Variants in NXPE2 observed in about 807,000 individuals in gnomAD.
NXPE2 encodes the protein NXPE family member 2.
A neutral mutation model predicts 34.4 loss-of-function variants in NXPE2; 34 were observed. That is an observed-to-expected ratio of 0.99 (90% CI 0.75 to 1.31). The LOEUF is 1.31. Ranked by LOEUF, NXPE2 falls within the 40% of genes most tolerant of loss-of-function variation. The pLI is 0.00. For synonymous variants in NXPE2, 235 were observed against 231.3 expected (o/e 1.02, Z -0.15); for missense variants, 649 against 672.5 (o/e 0.97, Z 0.39).
At chr11:114,790,015 A>G in the NXPE2 span, among the ~76,000 whole-genome samples, 1 of 152,196 alleles carries the variant, frequency 6.6e-6, no homozygotes, top group Admixed American at 6.5e-5. Context: ...GACTTCTCTG[A>G]GTCAGATATG....
chr11:114,720,415 TAAC>T, the NXPE2 span, among the ~76,000 whole-genome samples: 1 of 152,234 alleles, frequency 6.6e-6, no homozygotes, highest in Admixed American at 6.5e-5. Flanking sequence ...CCTCTGAAGT[TAAC>T]AACAAACATT....
the NXPE2 span, chr11:114,554,181 T>G: frequency 1.0e-6 from 1 of 985,166 alleles, no homozygotes; most frequent in Non-Finnish European, 1.2e-6. Context: ...GTCTCTTTCA[T>G]CAGCTGTAAT....
At chr11:114,656,658 G>A in the NXPE2 span, among the ~76,000 whole-genome samples, 1 of 151,024 alleles carries the variant, frequency 6.6e-6, no homozygotes. Context: ...AAATCAATGG[G>A]CAAAAATCAC....
the NXPE2 span, chr11:114,584,282 C>A: frequency 2.0e-6 from 1 of 506,660 alleles, no homozygotes; most frequent in South Asian, 1.5e-5. Flanking sequence ...TATTTCAAGC[C>A]CTACATCAGT....
the NXPE2 span, chr11:114,583,186 C>A: frequency 6.0e-6 from 5 of 838,762 alleles, no homozygotes; most frequent in South Asian, 7.3e-5. Flanking sequence ...TATTTAAATT[C>A]TCCAATAAAA....
chr11:114,773,293 C>G, the NXPE2 span, among the ~76,000 whole-genome samples: 1 of 131,044 alleles, frequency 7.6e-6, no homozygotes, highest in African/African-American at 2.7e-5. Context: ...CCCCCCCACC[C>G]CATTCTGGGC....
At chr11:114,748,360 C>T in the NXPE2 span, among the ~76,000 whole-genome samples, 1 of 152,142 alleles carries the variant, frequency 6.6e-6, no homozygotes, top group African/African-American at 2.4e-5. Flanking sequence ...AAGAAATTAA[C>T]ATTGATGCAT....
At chr11:114,555,575 G>A in the NXPE2 span, among the ~76,000 whole-genome samples, 1 of 152,092 alleles carries the variant, frequency 6.6e-6, no homozygotes, top group African/African-American at 2.4e-5. Flanking sequence ...GGCAAATGTA[G>A]ACACCTGTGT....
the NXPE2 span, among the ~76,000 whole-genome samples, chr11:114,562,071 A>G: frequency 6.6e-6 from 1 of 152,156 alleles, no homozygotes; most frequent in Non-Finnish European, 1.5e-5. Flanking sequence ...TCTTGTATCA[A>G]CTGTCCTTTT....
chr11:114,704,003 A>G lies in NXPE2; in HGVS notation c.879A>G (p.Gly293=). ...EWRLFHRSNI[G]VEMMKNFTPI... Reference sequence around the variant, plus strand: ...CCATTTCTTGCAGGTCCAACATAGGAGTTGAAATGATGAAGAACTTTACCC... The same window carrying G: ...CCATTTCTTGCAGGTCCAACATAGGGGTTGAAATGATGAAGAACTTTACCC... Residue 293 remains glycine, a synonymous_variant, in exon 4 of 6, where the codon GGA becomes GGG. Coordinates refer to ENST00000389586, the MANE Select transcript of NXPE2 (RefSeq NM_182495.6). 1 of 1,551,426 alleles carries G rather than the reference A, an allele frequency of 6.4e-7. No individual in the cohort carries two copies. Among genetic ancestry groups the G allele is most frequent in the Non-Finnish European group, 8.7e-7 (1 of 1,146,280 alleles).
At chr11:114,724,764 C>T in the NXPE2 span, among the ~76,000 whole-genome samples, 1 of 151,796 alleles carries the variant, frequency 6.6e-6, no homozygotes, top group Admixed American at 6.6e-5. Flanking sequence ...ACTGTGTCTA[C>T]CTTTTCCACC....
the NXPE2 span, among the ~76,000 whole-genome samples, chr11:114,743,785 T>C: frequency 6.7e-6 from 1 of 150,342 alleles, no homozygotes; most frequent in Non-Finnish European, 1.5e-5. Context: ...AGCATATATA[T>C]ATTATGTATA....
chr11:114,778,851 T>C, the NXPE2 span, among the ~76,000 whole-genome samples: 9 of 152,206 alleles, frequency 5.9e-5, no homozygotes. Context: ...GGCCTTCACT[T>C]TATTGTGTAT....
At chr11:114,579,220 C>G in the NXPE2 span, among the ~76,000 whole-genome samples, 3 of 152,098 alleles carry the variant, frequency 2.0e-5, no homozygotes, top group Non-Finnish European at 4.4e-5. Flanking sequence ...ACAACCAGTT[C>G]TCACATGAAC....
chr11:114,643,554 A>G, the NXPE2 span, among the ~76,000 whole-genome samples: 7 of 152,070 alleles, frequency 4.6e-5, no homozygotes, highest in Non-Finnish European at 1.0e-4. Context: ...TTTGTCAAAG[A>G]TCAGATGGTT....
chr11:114,705,519 C>A lies in NXPE2; in HGVS notation c.929-262C>A, dbSNP rs555483625. Among the ~76,000 whole-genome samples the A allele has an allele frequency of 2.4e-4, 37 of 152,284 alleles. 1 individual carries two copies. In the East Asian group the frequency reaches 6.6e-3, roughly 27 times the overall value. On this transcript the variant is annotated intron_variant, in intron 4 of 5. Coordinates refer to ENST00000389586, the MANE Select transcript of NXPE2 (RefSeq NM_182495.6). ...TTCCACAGCAGCGTGGCTCTGGGGA[C>A]AAGGTGGAGCCCAGGGACACATTGC...
At chr11:114,660,329 A>G in the NXPE2 span, among the ~76,000 whole-genome samples, 1 of 152,068 alleles carries the variant, frequency 6.6e-6, no homozygotes, top group Admixed American at 6.6e-5. Flanking sequence ...CTAATTTCAA[A>G]ACTAGAATTA....
At chr11:114,731,912 ATATT>A in the NXPE2 span, among the ~76,000 whole-genome samples, 2 of 152,182 alleles carry the variant, frequency 1.3e-5, no homozygotes, top group South Asian at 4.1e-4. Context: ...GGATCTTTGT[ATATT>A]TATCCACAAC....
chr11:114,499,422 T>C, the NXPE2 span, among the ~76,000 whole-genome samples: 3 of 152,296 alleles, frequency 2.0e-5, no homozygotes, highest in East Asian at 5.8e-4. Context: ...TCATTTTCAT[T>C]TTCTATTTTT....
Sources: allele counts gnomAD v4.1 joint callset (sites outside exome capture counted in the v4.1 genomes callset), GRCh38; gene constraint gnomAD v4.1.1; transcripts MANE v1.5; gene names NCBI Gene and HGNC (gene_info 2026-07-23, HGNC 2026-07-21).